The following GABBR2 variants were observed in gnomAD, a reference collection of about 807,000 sequenced individuals.
GABBR2 encodes gamma-aminobutyric acid type B receptor subunit 2.
Under a neutral mutation model 105.6 loss-of-function variants are expected in GABBR2, and 23 were observed. That is an observed-to-expected ratio of 0.22 (90% CI 0.16 to 0.31). The LOEUF is 0.31. Ranked by LOEUF, GABBR2 falls within the 10% of genes least tolerant of loss-of-function variation. The probability of loss-of-function intolerance (pLI) is 1.00; values close to 1 mark genes in which losing one functional copy is unlikely to be tolerated. For missense variants in GABBR2, 734 were observed against 1,245.5 expected (o/e 0.59, Z 6.18); for synonymous variants, 478 against 499.7 (o/e 0.96, Z 0.58).
At chr9:98,679,928 C>G (rs1294830356) in intron 1 of GABBR2, among the ~76,000 whole-genome samples, 7 of 152,184 alleles carry the variant, frequency 4.6e-5, no homozygotes, top group Non-Finnish European at 1.0e-4. Flanking sequence ...TTCATCAAAC[C>G]TAAGCATAAA....
At chr9:98,541,478 T>C (rs142320447) in intron 3 of GABBR2, among the ~76,000 whole-genome samples, 214 of 152,272 alleles carry the variant, frequency 1.4e-3, no homozygotes, top group African/African-American at 4.8e-3. Flanking sequence ...CAAGGTGACA[T>C]TGGCATCTTC....
intron 1 of GABBR2, among the ~76,000 whole-genome samples, chr9:98,597,897 G>A (rs113828495): frequency 6.6e-6 from 1 of 152,048 alleles, no homozygotes; most frequent in African/African-American, 2.4e-5. Flanking sequence ...TCGGCTCACT[G>A]TAACCTCTGC....
chr9:98,626,524 G>T (rs568194886), intron 1 of GABBR2, among the ~76,000 whole-genome samples: 2 of 152,250 alleles, frequency 1.3e-5, no homozygotes, highest in East Asian at 3.9e-4. Context: ...GTCAAATCCT[G>T]ATCTACTGCT....
At position 98,293,819 on chromosome 9, in the gene GABBR2, T is replaced by C. The variant is rs758721783; in HGVS notation, c.2626A>G (p.Lys876Glu). 1.4e-5 allele frequency: 23 copies of C among 1,606,026 alleles called. No individual in the cohort carries two copies. In the South Asian group the frequency reaches 2.5e-4, roughly 18 times the overall value. ...WNTTEPSRTC[K>E]DPIEDINSPE... ...GAGTTTATATCTTCTATAGGATCTT[T>C]GCATGTTCGAGAGGGCTCTGTTGTG... is the stretch of plus-strand genomic sequence containing the variant. Residue 876 changes from lysine to glutamate, a missense_variant, in exon 18 of 19, where the codon AAA becomes GAA. Coordinates refer to ENST00000259455, the MANE Select transcript of GABBR2 (RefSeq NM_005458.8).
chr9:98,315,588 G>A (rs1407451490), intron 13 of GABBR2, among the ~76,000 whole-genome samples: 1 of 152,202 alleles, frequency 6.6e-6, no homozygotes, highest in Non-Finnish European at 1.5e-5. Flanking sequence ...AGTTCGCAGT[G>A]GTCTGTGCAG....
At chr9:98,471,546 T>C (rs1826680875) in intron 6 of GABBR2, among the ~76,000 whole-genome samples, 1 of 152,256 alleles carries the variant, frequency 6.6e-6, no homozygotes, top group African/African-American at 2.4e-5. Flanking sequence ...CAGCCCTGCA[T>C]GGCTCCCACC....
At chr9:98,432,743 C>T (rs1005108860) in intron 7 of GABBR2, among the ~76,000 whole-genome samples, 5 of 152,234 alleles carry the variant, frequency 3.3e-5, no homozygotes, top group Admixed American at 1.3e-4. Flanking sequence ...CTCTGAGGGT[C>T]TCTTTGACCA....
chr9:98,322,928 G>T (rs1405380859), intron 13 of GABBR2, among the ~76,000 whole-genome samples: 1 of 151,860 alleles, frequency 6.6e-6, no homozygotes, highest in Non-Finnish European at 1.5e-5. Context: ...TACTTCCTCT[G>T]ACCCCCTCAC....
chr9:98,362,686 C>T, intron 13 of GABBR2, 29 bp downstream of exon 13: 1 of 1,480,216 alleles, frequency 6.8e-7, no homozygotes, highest in Non-Finnish European at 9.0e-7. Context: ...CATCTGCAGG[C>T]TTCCCTCCTG....
chr9:98,381,174 G>A (rs1281962769), intron 11 of GABBR2, among the ~76,000 whole-genome samples: 1 of 152,200 alleles, frequency 6.6e-6, no homozygotes, highest in Non-Finnish European at 1.5e-5. Context: ...TGTCTGAATC[G>A]TCTTGTTTAA....
chr9:98,559,192 T>G (rs1828631897), intron 2 of GABBR2, among the ~76,000 whole-genome samples: 1 of 152,226 alleles, frequency 6.6e-6, no homozygotes, highest in African/African-American at 2.4e-5. Context: ...TGCAGTGGTG[T>G]GATCTCTGCT....
At chr9:98,368,625 C>T (rs189502575) in intron 12 of GABBR2, among the ~76,000 whole-genome samples, 70 of 152,344 alleles carry the variant, frequency 4.6e-4, no homozygotes, top group Admixed American at 1.3e-3. Context: ...TGTGTTCTTG[C>T]TTGGCAGTCA....
chr9:98,480,464 G>A (rs969553994), intron 5 of GABBR2, among the ~76,000 whole-genome samples: 1 of 152,136 alleles, frequency 6.6e-6, no homozygotes, highest in African/African-American at 2.4e-5. Flanking sequence ...TGCTTCACAT[G>A]GTTATTGAAA....
At chr9:98,573,177 A>G (rs1324778091) in intron 2 of GABBR2, among the ~76,000 whole-genome samples, 1 of 152,218 alleles carries the variant, frequency 6.6e-6, no homozygotes, top group Non-Finnish European at 1.5e-5. Flanking sequence ...TGCGCCAGAC[A>G]CTGGGAACCA....
intron 1 of GABBR2, among the ~76,000 whole-genome samples, chr9:98,649,501 A>G (rs1445155788): frequency 2.6e-5 from 4 of 152,196 alleles, no homozygotes; most frequent in African/African-American, 9.7e-5. Flanking sequence ...TGGCTACAAA[A>G]GAACACTCAA....
At chr9:98,609,795 C>G (rs527377881) in intron 1 of GABBR2, among the ~76,000 whole-genome samples, 2 of 152,196 alleles carry the variant, frequency 1.3e-5, no homozygotes, top group Non-Finnish European at 2.9e-5. Context: ...TGTGATGCCC[C>G]GTCTGCTACC....
intron 8 of GABBR2, among the ~76,000 whole-genome samples, chr9:98,398,965 G>A (rs1028967638): frequency 3.3e-5 from 5 of 152,278 alleles, no homozygotes; most frequent in African/African-American, 1.2e-4. Flanking sequence ...AAGGACAAGA[G>A]CTAAGTACCT....
chr9:98,649,112 A>T (rs970892744), intron 1 of GABBR2, among the ~76,000 whole-genome samples: 3 of 152,170 alleles, frequency 2.0e-5, no homozygotes, highest in Non-Finnish European at 4.4e-5. Flanking sequence ...TCAAAGGCAG[A>T]TTTCTCCTGA....
chr9:98,648,000 G>C (rs971518358), intron 1 of GABBR2, among the ~76,000 whole-genome samples: 1 of 149,216 alleles, frequency 6.7e-6, no homozygotes, highest in Non-Finnish European at 1.5e-5. Context: ...CAAAAGGAAA[G>C]AAACCTGCCA....
Sources: gnomAD v4.1 joint callset for allele counts (sites outside exome capture counted in the v4.1 genomes callset) on GRCh38, gnomAD v4.1.1 for gene constraint, MANE v1.5 for transcripts, NCBI Gene and HGNC (gene_info 2026-07-23, HGNC 2026-07-21) for gene names.